The following SDK1 variants were observed in gnomAD, a reference collection of about 807,000 sequenced individuals.
The protein encoded by SDK1 is protein sidekick-1.
A neutral mutation model predicts 245.5 loss-of-function variants in SDK1; 157 were observed. The ratio of observed to expected loss-of-function variants is 0.64; its 90% CI spans 0.56 to 0.73. SDK1 has a LOEUF of 0.73. SDK1 is among the 30% of genes least tolerant of loss of function. The pLI, the probability that SDK1 is intolerant of heterozygous loss-of-function variation, is 0.00. For synonymous variants in SDK1, 1,647 were observed against 1,278.5 expected, an observed-to-expected ratio of 1.29 and a Z score of -6.15; for missense variants, 3,583 against 3,002.3, an observed-to-expected ratio of 1.19 and a Z score of -4.52.
intron 5 of SDK1, among the ~76,000 whole-genome samples, chr7:3,913,207 C>T (rs560560384): frequency 3.9e-5 from 6 of 152,216 alleles, no homozygotes; most frequent in African/African-American, 1.2e-4. Context: ...TCGCGCTAAG[C>T]GTACCTGGTT....
chr7:3,980,076 C>A (rs755725324), intron 13 of SDK1, among the ~76,000 whole-genome samples: 1 of 152,162 alleles, frequency 6.6e-6, no homozygotes, highest in Non-Finnish European at 1.5e-5. Flanking sequence ...CATCTTCATC[C>A]TCAGAGTGAA....
chr7:3,908,490 G>A (rs1346007699), intron 5 of SDK1, among the ~76,000 whole-genome samples: 2 of 152,144 alleles, frequency 1.3e-5, no homozygotes, highest in African/African-American at 4.8e-5. Context: ...CAGGATTGCT[G>A]GGTCATTTGG....
intron 4 of SDK1, among the ~76,000 whole-genome samples, chr7:3,728,384 C>G (rs112776540): frequency 2.6e-5 from 4 of 152,206 alleles, no homozygotes; most frequent in Admixed American, 1.3e-4. Flanking sequence ...TCAAATAGCC[C>G]AGTTATTGAG....
At chr7:3,572,256 A>G (rs987006261) in intron 1 of SDK1, among the ~76,000 whole-genome samples, 2 of 151,988 alleles carry the variant, frequency 1.3e-5, no homozygotes, top group Non-Finnish European at 2.9e-5. Context: ...TCAGACCTTT[A>G]GTTTGTTTAA....
intron 1 of SDK1, among the ~76,000 whole-genome samples, chr7:3,611,420 T>C (rs1348715607): frequency 1.3e-5 from 2 of 152,170 alleles, no homozygotes; most frequent in Non-Finnish European, 2.9e-5. Context: ...CCAAACGACT[T>C]ACTTGGGTGG....
chr7:3,735,284 G>A lies in SDK1; in HGVS notation c.714-86166G>A, dbSNP rs190989074. 2.9e-3 allele frequency among the ~76,000 whole-genome samples: 442 copies of A among 152,078 alleles called. 3 individuals carry two copies. The highest frequency in any genetic ancestry group is 5.3e-3 in the Non-Finnish European group (362 of 67,996). ...CATCTTTAGAACTTTTTTACCTTGC[G>A]AAACTGAAAATCTGTACTTGCTAAG... On this transcript the variant is annotated intron_variant, in intron 4 of 44. Transcript: ENST00000404826.
chr7:4,264,445 CCG>C (rs1788308049), intron 44 of SDK1, among the ~76,000 whole-genome samples: 3 of 136,980 alleles, frequency 2.2e-5, no homozygotes, highest in Non-Finnish European at 3.1e-5. Context: ...GTAAGGAAGG[CCG>C]CGTGGACCTC....
At chr7:3,632,355 T>C (rs2128648498) in intron 2 of SDK1, among the ~76,000 whole-genome samples, 1 of 152,092 alleles carries the variant, frequency 6.6e-6, no homozygotes, top group East Asian at 1.9e-4. Context: ...AGAGGAGGAG[T>C]CTTGGGAACA....
chr7:3,387,331 C>G (rs1270697987), intron 1 of SDK1, among the ~76,000 whole-genome samples: 7 of 152,144 alleles, frequency 4.6e-5, no homozygotes, highest in African/African-American at 1.2e-4. Context: ...TTTAGAGATT[C>G]CTCATCTCCT....
chr7:4,211,250 C>G (rs1374723097), intron 38 of SDK1, among the ~76,000 whole-genome samples: 1 of 152,198 alleles, frequency 6.6e-6, no homozygotes, highest in Non-Finnish European at 1.5e-5. Context: ...GTTGCCAACA[C>G]AGAGGACTTT....
At chr7:3,895,910 G>C (rs1276776598) in intron 5 of SDK1, among the ~76,000 whole-genome samples, 1 of 152,084 alleles carries the variant, frequency 6.6e-6, no homozygotes, top group East Asian at 1.9e-4. Context: ...TTCTGTTACT[G>C]ATTTCTGATT....
intron 4 of SDK1, among the ~76,000 whole-genome samples, chr7:3,799,137 T>A (rs370649789): frequency 6.6e-6 from 1 of 152,216 alleles, no homozygotes; most frequent in East Asian, 1.9e-4. Context: ...TTCTCCTCTT[T>A]AAAAAATCTT....
At position 4,217,137 on chromosome 7, in the gene SDK1, C is replaced by A. The variant is rs1329564774; in HGVS notation, c.5540-2972C>A. ...CGGAGCACCACACCACCCGGAGCAC[C>A]AGGCCACCCGGAGCACCACACCACC... On this transcript the variant is annotated intron_variant, in intron 38 of 44. Transcript: ENST00000404826. Among the ~76,000 whole-genome samples, 7 of 101,464 alleles carry A rather than the reference C, an allele frequency of 6.9e-5. No individual in the cohort carries two copies. The East Asian group carries it at 1.2e-3, about 18-fold the overall frequency. 66.6% of individuals were successfully genotyped at this position (101,464 alleles called of 152,430 possible). A position where few individuals can be genotyped will look rare whatever the true frequency, so the allele number is the denominator to read the frequency against.
intron 1 of SDK1, among the ~76,000 whole-genome samples, chr7:3,617,154 G>A (rs1355741541): frequency 6.6e-6 from 1 of 152,086 alleles, no homozygotes; most frequent in Non-Finnish European, 1.5e-5. Context: ...ATATATATAA[G>A]GCATTTAGAA....
intron 35 of SDK1, among the ~76,000 whole-genome samples, chr7:4,196,121 G>T (rs1000144804): frequency 1.3e-5 from 2 of 152,214 alleles, no homozygotes; most frequent in Non-Finnish European, 2.9e-5. Flanking sequence ...GAGCAAGGCA[G>T]ATTCAGGTTT....
chr7:4,226,913 A>G (rs1375634704), intron 40 of SDK1, among the ~76,000 whole-genome samples: 1 of 151,868 alleles, frequency 6.6e-6, no homozygotes, highest in Non-Finnish European at 1.5e-5. Flanking sequence ...GAATGTGCCC[A>G]ATGCAGGCAG....
intron 1 of SDK1, among the ~76,000 whole-genome samples, chr7:3,557,638 C>T (rs550448984): frequency 1.8e-4 from 28 of 152,284 alleles, no homozygotes; most frequent in African/African-American, 6.3e-4. Flanking sequence ...AAATCCTGGT[C>T]CCAGCATTGT....
At chr7:3,908,506 G>A (rs1012324895) in intron 5 of SDK1, among the ~76,000 whole-genome samples, 1 of 152,164 alleles carries the variant, frequency 6.6e-6, no homozygotes, top group Non-Finnish European at 1.5e-5. Context: ...TTTGGAAACT[G>A]CATAGAGATT....
At chr7:3,595,217 TTA>T (rs1491545729) in intron 1 of SDK1, among the ~76,000 whole-genome samples, 4 of 147,860 alleles carry the variant, frequency 2.7e-5, no homozygotes, top group African/African-American at 7.7e-5. Context: ...ATTGGTGACT[TTA>T]TGATATTTTG....
Sources: gnomAD v4.1 joint callset for allele counts (sites outside exome capture counted in the v4.1 genomes callset) on GRCh38, gnomAD v4.1.1 for gene constraint, MANE v1.5 for transcripts, NCBI Gene and HGNC (gene_info 2026-07-23, HGNC 2026-07-21) for gene names.